Variants in ABHD10 observed in about 807,000 individuals in gnomAD.
ABHD10 encodes palmitoyl-protein thioesterase ABHD10, mitochondrial.
In ABHD10, 22 loss-of-function variants were observed where a neutral mutation model predicts 33.1. The observed-to-expected ratio is 0.66, with a 90% CI of 0.47 to 0.95. The LOEUF is 0.95. Ranked by LOEUF, ABHD10 falls within the 40% of genes least tolerant of loss-of-function variation. The pLI, the probability that ABHD10 is intolerant of heterozygous loss-of-function variation, is 0.00. For missense variants in ABHD10, 352 were observed against 379.9 expected (o/e 0.93, Z 0.61); for synonymous variants, 146 against 133.9 (o/e 1.09, Z -0.62).
At chr3:111,979,503 A>G (rs1361538548) in intron 1 of ABHD10, among the ~76,000 whole-genome samples, 2 of 152,264 alleles carry the variant, frequency 1.3e-5, no homozygotes, top group Non-Finnish European at 2.9e-5. Flanking sequence ...AGAAAAAATT[A>G]AAATGTGCAT....
At chr3:111,988,616 G>T (rs1187015205) in intron 4 of ABHD10, among the ~76,000 whole-genome samples, 1 of 151,970 alleles carries the variant, frequency 6.6e-6, no homozygotes, top group Non-Finnish European at 1.5e-5. Context: ...GGGGTTTTTA[G>T]GGTATCTCTG....
chr3:111,987,932 T>TAGC lies in ABHD10; in HGVS notation c.576+895_576+897dup, dbSNP rs1432980271. On this transcript the variant is annotated intron_variant, in intron 4 of 4. Transcript: ENST00000273359. ...TAGTTAAAAAATATGGTCCCTAGGCTAGCAGCAGCAGCAGCACCTGAGAAC... is the reference window on the plus strand; with the variant it reads ...TAGTTAAAAAATATGGTCCCTAGGCTAGCAGCAGCAGCAGCAGCACCTGAGAAC... Among the ~76,000 whole-genome samples the TAGC allele has an allele frequency of 5.3e-5, 8 of 152,094 alleles. No individual in the cohort carries two copies. The East Asian group carries it at 1.2e-3, about 22-fold the overall frequency.
intron 1 of ABHD10, among the ~76,000 whole-genome samples, chr3:111,981,005 A>G (rs1281918699): frequency 6.6e-6 from 1 of 152,048 alleles, no homozygotes; most frequent in Non-Finnish European, 1.5e-5. Flanking sequence ...CCTGACCCCC[A>G]AGAAAGTAGG....
At chr3:111,986,603 TTGTTCG>T (rs1467856440) in intron 3 of ABHD10, among the ~76,000 whole-genome samples, 3 of 151,734 alleles carry the variant, frequency 2.0e-5, no homozygotes, top group African/African-American at 7.3e-5. Context: ...GCCCGGCTAA[TTGTTCG>T]TATTTTTAGT....
chr3:111,991,633 A>T lies in ABHD10; in HGVS notation c.833A>T (p.Asp278Val), dbSNP rs137983259. ...GATGTCATCCTCCGAAAACACAGTG[A>T]TCACCGAATGAGGGAAAAAGCAGAC... ...DVDVILRKHS[D>V]HRMREKADIQ... Residue 278 changes from aspartate to valine, a missense_variant, in exon 5 of 5, where the codon GAT becomes GTT. Asp to Val is a radical substitution (Grantham distance 152, BLOSUM62 -3). Transcript: ENST00000273359. 1.9e-3 allele frequency: 3,103 copies of T among 1,614,118 alleles called. 5 individuals carry two copies. The highest frequency in any genetic ancestry group is 2.4e-3 in the Non-Finnish European group (2,804 of 1,179,958).
intron 2 of ABHD10, among the ~76,000 whole-genome samples, chr3:111,984,897 G>A (rs75347689): frequency 0.019 from 2,964 of 152,234 alleles, 44 homozygotes; most frequent in Middle Eastern, 0.071. Context: ...GAGAAAGAAT[G>A]GTGATGGTAT....
At position 111,979,076 on chromosome 3, in the gene ABHD10, C is replaced by T; in HGVS notation, c.15C>T (p.Arg5=). 3 of 1,613,234 alleles carry T rather than the reference C, an allele frequency of 1.9e-6. No individual in the cohort carries two copies. The highest frequency in any genetic ancestry group is 2.5e-6 in the Non-Finnish European group (3 of 1,179,648). ...CAACTACGAAGATGGCGGTTGCGCGCTTGGCAGCTGTGGCGGCCTGGGTAC... is the reference window on the plus strand; with the variant it reads ...CAACTACGAAGATGGCGGTTGCGCGTTTGGCAGCTGTGGCGGCCTGGGTAC... The part of the protein sequence containing the change: MAVA[R]LAAVAAWVPC... The change falls in exon 1 of 5, where the codon CGC becomes CGT. Residue 5 remains arginine, a synonymous_variant. Transcript: ENST00000273359.
In ABHD10 at chr3:111,990,326, G is replaced by C. The variant is rs188879487; in HGVS notation, c.577-1051G>C. 1.8e-3 allele frequency among the ~76,000 whole-genome samples: 273 copies of C among 151,844 alleles called. 1 individual carries two copies. The highest frequency in any genetic ancestry group is 6.3e-3 in the African/African-American group (262 of 41,458). ...TACTAAATAAACAGCATAGAAAACT[G>C]TATATGAATGTGTAATATGTATGTA... On this transcript the variant is annotated intron_variant, in intron 4 of 4. Transcript: ENST00000273359.
intron 2 of ABHD10, 109 bp from the exon 3 acceptor site, chr3:111,986,155 G>C: frequency 3.4e-6 from 2 of 595,028 alleles, no homozygotes; most frequent in East Asian, 3.0e-5. Flanking sequence ...TATTGATTGT[G>C]ATGTTTCACT....
Position 111,991,652 on chromosome 3 carries a change from A to G in ABHD10, c.852A>G (p.Lys284=). The G allele has an allele frequency of 1.2e-6, 2 of 1,614,104 alleles. No individual in the cohort carries two copies. Among genetic ancestry groups the G allele is most frequent in the Non-Finnish European group, 1.7e-6 (2 of 1,179,952 alleles). The part of the protein sequence containing the change: ...RKHSDHRMRE[K]ADIQLLVYTI... ...ACAGTGATCACCGAATGAGGGAAAA[A>G]GCAGACATTCAACTTCTTGTTTACA... The change falls in exon 5 of 5, where the codon AAA becomes AAG. Residue 284 remains lysine, a synonymous_variant. Coordinates refer to ENST00000273359, the MANE Select transcript of ABHD10 (RefSeq NM_018394.4).
intron 3 of ABHD10, among the ~76,000 whole-genome samples, chr3:111,986,637 G>A (rs149926230): frequency 1.3e-5 from 2 of 151,922 alleles, no homozygotes; most frequent in South Asian, 2.1e-4. Flanking sequence ...GGGTTTCACC[G>A]TGTTGGCCAG....
intron 2 of ABHD10, among the ~76,000 whole-genome samples, chr3:111,985,389 G>T (rs1164868295): frequency 6.6e-6 from 1 of 152,082 alleles, no homozygotes. Flanking sequence ...GGGATGGGTT[G>T]GTGATGATGA....
At position 111,987,018 on chromosome 3, in the gene ABHD10, C is replaced by G. The variant is rs372049774; in HGVS notation, c.543C>G (p.Thr181=). The G allele has an allele frequency of 1.9e-6, 3 of 1,612,518 alleles. No individual in the cohort carries two copies. In the African/African-American group the frequency reaches 4.0e-5, roughly 22 times the overall value. Residue 181 remains threonine, a synonymous_variant, in exon 4 of 5, where the codon ACC becomes ACG. Transcript: ENST00000273359. ...TTGGTGTAGCTACAGCTGCAGATAC[C>G]TTAGTGACAAAGTTTAATCAGCTTC... The part of the protein sequence containing the change: ...ALIGVATAAD[T]LVTKFNQLPV...
intron 4 of ABHD10, 79 bp from the exon 5 acceptor site, chr3:111,991,298 T>C: frequency 8.2e-7 from 1 of 1,215,606 alleles, no homozygotes; most frequent in Non-Finnish European, 1.2e-6. Flanking sequence ...CTGCTTTCAT[T>C]AGATTACTTA....
At chr3:111,986,835 T>C (rs1444198980) in intron 3 of ABHD10, 79 bp from the exon 4 acceptor site, 14 of 1,045,170 alleles carry the variant, frequency 1.3e-5, no homozygotes, top group African/African-American at 3.4e-5. Flanking sequence ...TTTCTAATTT[T>C]TTATTGTACA....
chr3:111,986,057 A>G (rs1349473275), intron 2 of ABHD10, among the ~76,000 whole-genome samples: 1 of 152,224 alleles, frequency 6.6e-6, no homozygotes, highest in Non-Finnish European at 1.5e-5. Flanking sequence ...GACTAGCAAC[A>G]GGCTGGTAGC....
At chr3:111,987,519 G>A (rs7615972) in intron 4 of ABHD10, among the ~76,000 whole-genome samples, 31,540 of 151,794 alleles carry the variant, frequency 0.21, 3,379 homozygotes, top group Middle Eastern at 0.28. Context: ...GACCTCCCAT[G>A]GATACCAAAA....
chr3:111,988,557 T>C (rs903725732), intron 4 of ABHD10, among the ~76,000 whole-genome samples: 1 of 152,136 alleles, frequency 6.6e-6, no homozygotes, highest in Non-Finnish European at 1.5e-5. Flanking sequence ...TAATTATTGG[T>C]AAATGACAAA....
chr3:111,986,979 G>T lies in ABHD10; in HGVS notation c.504G>T (p.Lys168Asn), dbSNP rs905571490. 1 of 1,613,168 alleles carries T rather than the reference G, an allele frequency of 6.2e-7. No individual in the cohort carries two copies. Among genetic ancestry groups the T allele is most frequent in the Non-Finnish European group, 8.5e-7 (1 of 1,179,848 alleles). Residue 168 changes from lysine to asparagine, a missense_variant, in exon 4 of 5, where the codon AAG (lysine) becomes AAT (asparagine). Transcript: ENST00000273359. ...MLHAAIARPE[K>N]VVALIGVATA... ...ATGCTGCAATTGCACGACCAGAGAAGGTCGTGGCTCTTATTGGTGTAGCTA... is the reference window on the plus strand; with the variant it reads ...ATGCTGCAATTGCACGACCAGAGAATGTCGTGGCTCTTATTGGTGTAGCTA...
Sources: allele counts gnomAD v4.1 joint callset (sites outside exome capture counted in the v4.1 genomes callset), GRCh38; gene constraint gnomAD v4.1.1; transcripts MANE v1.5; gene names NCBI Gene and HGNC (gene_info 2026-07-23, HGNC 2026-07-21).